Variants in HVCN1 observed in about 807,000 individuals in gnomAD.
The protein encoded by HVCN1 is hydrogen voltage gated channel 1, also known as voltage-gated hydrogen channel 1.
In HVCN1, 14 loss-of-function variants were observed where a neutral mutation model predicts 29.2. The observed-to-expected ratio is 0.48, with a 90% CI of 0.32 to 0.75. The LOEUF is 0.75. Among genes scored for constraint, HVCN1 ranks in the 30% least tolerant of loss-of-function variants. HVCN1 has a pLI of 0.04. For missense variants in HVCN1, 263 were observed against 341.8 expected (o/e 0.77, Z 1.82); for synonymous variants, 131 against 133.2 (o/e 0.98, Z 0.11).
At position 110,649,324 on chromosome 12, in the gene HVCN1, A is replaced by G; in HGVS notation, c.*86T>C. The G allele has an allele frequency of 6.5e-6, 7 of 1,072,394 alleles. No individual in the cohort carries two copies. Among genetic ancestry groups the G allele is most frequent in the South Asian group, 1.3e-5 (1 of 75,682 alleles). The allele number at this position is 1,072,394 out of a possible 1,614,324, so 66.4% of individuals were successfully genotyped here. ...AGGTATCAAACCAAACCTCTCACCA[A>G]GCGGCCCAGGAGGGGCAGCTGTTCC... On this transcript the variant is annotated 3_prime_UTR_variant, in exon 8 of 8. Coordinates refer to ENST00000242607, the MANE Select transcript of HVCN1 (RefSeq NM_032369.4).
intron 2 of HVCN1, among the ~76,000 whole-genome samples, chr12:110,701,149 AG>A (rs35437622): frequency 0.17 from 25,474 of 152,142 alleles, 2,886 homozygotes; most frequent in Admixed American, 0.28. Flanking sequence ...TGGACATGTT[AG>A]TTGTACAAGC....
intron 1 of HVCN1, among the ~76,000 whole-genome samples, chr12:110,703,207 CAAAAAAAAAAAAAA>C (rs758737358): frequency 1.4e-4 from 14 of 98,784 alleles, no homozygotes; most frequent in Non-Finnish European, 2.6e-4. Flanking sequence ...ATGTCTCTAC[CAAAAAAAAAAAAAA>C]AAAAAAAAAT....
At chr12:110,657,980 GT>G in intron 4 of HVCN1, among the ~76,000 whole-genome samples, 1 of 152,300 alleles carries the variant, frequency 6.6e-6, no homozygotes, top group South Asian at 2.1e-4. Flanking sequence ...GGAAAGTGGG[GT>G]GGGCCACATT....
chr12:110,701,261 A>C (rs1310683854), intron 2 of HVCN1, among the ~76,000 whole-genome samples: 1 of 152,162 alleles, frequency 6.6e-6, no homozygotes, highest in Non-Finnish European at 1.5e-5. Context: ...TTTTATCACC[A>C]TCTAGAGGGA....
intron 2 of HVCN1, among the ~76,000 whole-genome samples, chr12:110,701,688 C>T (rs925943154): frequency 2.6e-5 from 4 of 151,974 alleles, no homozygotes; most frequent in African/African-American, 9.7e-5. Flanking sequence ...GAAACCCCAT[C>T]TCTACTAAAA....
At chr12:110,670,010 C>T (rs931339764) in intron 3 of HVCN1, among the ~76,000 whole-genome samples, 3 of 151,874 alleles carry the variant, frequency 2.0e-5, no homozygotes, top group East Asian at 3.9e-4. Flanking sequence ...GGTGACAGAG[C>T]GAGACTCCAT....
At chr12:110,692,312 C>T (rs761883425), upstream of HVCN1, among the ~76,000 whole-genome samples, 1 of 152,202 alleles carries the variant, frequency 6.6e-6, no homozygotes, top group Non-Finnish European at 1.5e-5. Context: ...AACAGACTAA[C>T]ACGTGACCAC....
chr12:110,688,322 TG>T (rs1218254424), intron 2 of HVCN1: 1 of 152,100 alleles, frequency 6.6e-6, no homozygotes, highest in Non-Finnish European at 1.5e-5. Context: ...GTAAAAGTGG[TG>T]GGGGCAATGT....
At chr12:110,667,785 TC>T (rs1430038873) in intron 3 of HVCN1, among the ~76,000 whole-genome samples, 12 of 152,214 alleles carry the variant, frequency 7.9e-5, no homozygotes, top group African/African-American at 2.9e-4. Context: ...CTGTCCTATT[TC>T]TCAGTAGTGT....
At chr12:110,662,914 A>G (rs563801737) in intron 3 of HVCN1, among the ~76,000 whole-genome samples, 32 of 152,232 alleles carry the variant, frequency 2.1e-4, no homozygotes, top group Non-Finnish European at 2.9e-5. Context: ...AAAAAGAGAA[A>G]GAAAAACTCC....
chr12:110,659,553 C>T (rs1038217577), intron 4 of HVCN1, among the ~76,000 whole-genome samples: 1 of 152,228 alleles, frequency 6.6e-6, no homozygotes, highest in Non-Finnish European at 1.5e-5. Flanking sequence ...TAGGCTCTGC[C>T]ACCTTGGGGA....
At chr12:110,654,548 G>T (rs377363759) in intron 5 of HVCN1, among the ~76,000 whole-genome samples, 2 of 146,882 alleles carry the variant, frequency 1.4e-5, no homozygotes, top group Non-Finnish European at 3.0e-5. Flanking sequence ...GCGCTATCTC[G>T]GCTCACTGCA....
chr12:110,667,381 G>A (rs901431060), intron 3 of HVCN1, among the ~76,000 whole-genome samples: 3 of 152,132 alleles, frequency 2.0e-5, no homozygotes, highest in Non-Finnish European at 2.9e-5. Flanking sequence ...TGATCCGCCC[G>A]CCTCTGCCTC....
chr12:110,662,336 G>A (rs2068206029), intron 3 of HVCN1, among the ~76,000 whole-genome samples: 1 of 152,174 alleles, frequency 6.6e-6, no homozygotes, highest in Admixed American at 6.6e-5. Flanking sequence ...AACTTAAAAA[G>A]TCTTAGAACA....
At chr12:110,697,807 A>G (rs1311085772) in intron 2 of HVCN1, among the ~76,000 whole-genome samples, 1 of 152,040 alleles carries the variant, frequency 6.6e-6, no homozygotes. Flanking sequence ...GCACACCACC[A>G]CGCCTGGCTA....
In HVCN1 at chr12:110,661,192, C is replaced by T. The variant is rs1263318641; in HGVS notation, c.278G>A (p.Arg93Lys). 2 of 1,611,366 alleles carry T rather than the reference C, an allele frequency of 1.2e-6. No individual in the cohort carries two copies. Among genetic ancestry groups the T allele is most frequent in the Non-Finnish European group, 1.7e-6 (2 of 1,178,114 alleles). The change falls in exon 4 of 8, where the codon AGG becomes AAG. Residue 93 changes from arginine (R) to lysine (K), a missense_variant. Coordinates refer to ENST00000242607, the MANE Select transcript of HVCN1 (RefSeq NM_032369.4). The surrounding 1 kb of genome is among the most constrained non-coding windows in gnomAD (Gnocchi z 6.2). ...AAACCTGTGGGAGCTGAACAGTTTC[C>T]TCAACATGCCCCTGAAGTCAAGGGG... ...RAPLDFRGML[R>K]KLFSSHRFQV...
At position 110,662,246 on chromosome 12, in the gene HVCN1, C is replaced by T. The variant is rs962773541; in HGVS notation, c.22-798G>A. ...GGCTTTGTCAATAGGAAAAAAAAAT[C>T]CATTCCCCACCTTGCCCCCCACACA... On this transcript the variant is annotated intron_variant, in intron 3 of 7. Coordinates refer to ENST00000242607, the MANE Select transcript of HVCN1 (RefSeq NM_032369.4). Among the ~76,000 whole-genome samples the T allele has an allele frequency of 3.1e-4, 47 of 152,194 alleles. 1 individual carries two copies. Among genetic ancestry groups the T allele is most frequent in the African/African-American group, 1.1e-3 (47 of 41,520 alleles).
rs1189401614 is a variant in HVCN1, at chr12:110,676,629, C to T, written c.21+6596G>A. ...TGGGCATTGGGTCTCTAAGGAACTG[C>T]TCTGCTTGCAAACACTTCACACATC... is the stretch of plus-strand genomic sequence containing the variant. On this transcript the variant is annotated intron_variant, in intron 3 of 7. Coordinates refer to ENST00000242607, the MANE Select transcript of HVCN1 (RefSeq NM_032369.4). The surrounding 1 kb of genome is among the most constrained non-coding windows in gnomAD (Gnocchi z 4.1). Among the ~76,000 whole-genome samples the T allele has an allele frequency of 6.6e-6, 1 of 152,126 alleles. No homozygotes were observed.
At position 110,683,261 on chromosome 12, in the gene HVCN1, G is replaced by A; in HGVS notation, c.-16C>T. The A allele has an allele frequency of 1.2e-6, 2 of 1,604,818 alleles. No individual in the cohort carries two copies. The highest frequency in any genetic ancestry group is 1.7e-6 in the Non-Finnish European group (2 of 1,177,306). ...AGGTGGCCATGTCCCTGTTGCCTCT[G>A]GATCTGAAAAATAAAAAGACATTTG... On this transcript the variant is annotated 5_prime_UTR_variant, in exon 3 of 8. Coordinates refer to ENST00000242607, the MANE Select transcript of HVCN1 (RefSeq NM_032369.4).
Sources: allele counts gnomAD v4.1 joint callset (sites outside exome capture counted in the v4.1 genomes callset), GRCh38; gene constraint gnomAD v4.1.1; non-coding constraint Gnocchi (gnomAD v3.1); transcripts MANE v1.5; gene names NCBI Gene and HGNC (gene_info 2026-07-23, HGNC 2026-07-21).